The following MCTS1 variants were observed in gnomAD, a reference collection of about 807,000 sequenced individuals.
MCTS1 encodes the protein malignant T-cell-amplified sequence 1.
For synonymous variants in MCTS1, 26 were observed against 40.8 expected, an observed-to-expected ratio of 0.64 and a Z score of 1.38; for missense variants, 55 against 128.6, an observed-to-expected ratio of 0.43 and a Z score of 2.77.
rs1720510326 is a variant in MCTS1 at position 120,621,140 on chromosome X, AAATAT to A, written c.*8878_*8882del. On this transcript the variant is annotated 3_prime_UTR_variant, in exon 6 of 6. Coordinates refer to ENST00000371317, the MANE Select transcript of MCTS1 (RefSeq NM_014060.3). Reference sequence around the variant, plus strand: ...ATTTTGGATATGTTTGGGTTAAATAAAATATATTACTAAAAGTAATTTCACCTGTG... The same window carrying A: ...ATTTTGGATATGTTTGGGTTAAATAAATTACTAAAAGTAATTTCACCTGTG... The A allele has an allele frequency of 8.9e-6, 1 of 112,832 alleles. No homozygotes were observed. Among genetic ancestry groups the A allele is most frequent in the Non-Finnish European group, 1.9e-5 (1 of 53,406 alleles). The allele number at this position is 112,832 out of a possible 1,213,427, so 9.3% of individuals were successfully genotyped here. A position where few individuals can be genotyped will look rare whatever the true frequency, so the allele number is the denominator to read the frequency against.
chrX:120,615,375 A>G lies in MCTS1; in HGVS notation c.*3111A>G, dbSNP rs1000389153. Among the ~76,000 whole-genome samples the G allele has an allele frequency of 9.0e-6, 1 of 111,589 alleles. No individual in the cohort carries two copies. The highest frequency in any genetic ancestry group is 1.9e-5 in the Non-Finnish European group (1 of 53,124). ...ACTCAGACAAGGTCAGTTCAGCTCAATAGGTATTTATTGAGTATCTACTAG... is the reference window on the plus strand; with the variant it reads ...ACTCAGACAAGGTCAGTTCAGCTCAGTAGGTATTTATTGAGTATCTACTAG... On this transcript the variant is annotated 3_prime_UTR_variant, in exon 6 of 6. Transcript: ENST00000371317.
In MCTS1 at chrX:120,616,881, A is replaced by G. The variant is rs188734325; in HGVS notation, c.*4617A>G. Among the ~76,000 whole-genome samples, 4 of 112,344 alleles carry G rather than the reference A, an allele frequency of 3.6e-5. No homozygotes were observed. In the Admixed American group the frequency reaches 3.8e-4, roughly 11 times the overall value. Reference sequence around the variant, plus strand: ...ATTAATGTCCAATTCTAATTAATGGATTGTTTTAGAAATGTATTTGTGAAA... The same window carrying G: ...ATTAATGTCCAATTCTAATTAATGGGTTGTTTTAGAAATGTATTTGTGAAA... On this transcript the variant is annotated 3_prime_UTR_variant, in exon 6 of 6. Coordinates refer to ENST00000371317, the MANE Select transcript of MCTS1 (RefSeq NM_014060.3).
rs1926750061 is a variant in MCTS1, at chrX:120,613,263, G to T, written c.*999G>T. Reference sequence around the variant, plus strand: ...TTTTATAGTTGGCCAGGCTGGTCTTGAACTCCTGGCCTCAAGTGATCAGCC... The same window carrying T: ...TTTTATAGTTGGCCAGGCTGGTCTTTAACTCCTGGCCTCAAGTGATCAGCC... On this transcript the variant is annotated 3_prime_UTR_variant, in exon 6 of 6. Coordinates refer to ENST00000371317, the MANE Select transcript of MCTS1 (RefSeq NM_014060.3). Among the ~76,000 whole-genome samples, 1 of 110,969 alleles carries T rather than the reference G, an allele frequency of 9.0e-6. No individual in the cohort carries two copies. The highest frequency in any genetic ancestry group is 3.3e-5 in the African/African-American group (1 of 30,460).
At chrX:120,604,718 G>C in intron 1 of MCTS1, 1 of 1,042,962 alleles carries the variant, frequency 9.6e-7, no homozygotes, top group East Asian at 3.7e-5. Context: ...CTATTGCCTA[G>C]CTGCCAGATT....
rs1926877588 is a variant in MCTS1 at position 120,617,112 on chromosome X, A to G, written c.*4848A>G. ...ATATGGCAGACATCTTAATATCAATATATGCTAAATTGGTTTATCTTTAGG... is the reference window on the plus strand; with the variant it reads ...ATATGGCAGACATCTTAATATCAATGTATGCTAAATTGGTTTATCTTTAGG... On this transcript the variant is annotated 3_prime_UTR_variant, in exon 6 of 6. Coordinates refer to ENST00000371317, the MANE Select transcript of MCTS1 (RefSeq NM_014060.3). Among the ~76,000 whole-genome samples the G allele has an allele frequency of 8.9e-6, 1 of 112,537 alleles. No homozygotes were observed. The highest frequency in any genetic ancestry group is 1.9e-5 in the Non-Finnish European group (1 of 53,342).
chrX:120,617,294 C>T lies in MCTS1; in HGVS notation c.*5030C>T, dbSNP rs978340319. On this transcript the variant is annotated 3_prime_UTR_variant, in exon 6 of 6. Coordinates refer to ENST00000371317, the MANE Select transcript of MCTS1 (RefSeq NM_014060.3). ...GCAACCTCTGTCTTCCGGGTTCAAG[C>T]GATTCTCCTGCCTCAGCCTCCCGAG... 1.8e-5 allele frequency among the ~76,000 whole-genome samples: 2 copies of T among 111,265 alleles called. No individual in the cohort carries two copies. The highest frequency in any genetic ancestry group is 3.8e-5 in the Non-Finnish European group (2 of 53,054).
rs1351150627 is a variant in MCTS1 at position 120,615,762 on chromosome X, T to TA, written c.*3499dup. 9.0e-6 allele frequency among the ~76,000 whole-genome samples: 1 copy of TA among 111,489 alleles called. No homozygotes were observed. Among genetic ancestry groups the TA allele is most frequent in the Non-Finnish European group, 1.9e-5 (1 of 53,088 alleles). ...AGTTCTCTTCTAGCAGACTGTCTGT[T>TA]ATGGTGGTTTGGTAGTGGTCTGTTG... On this transcript the variant is annotated 3_prime_UTR_variant, in exon 6 of 6. Coordinates refer to ENST00000371317, the MANE Select transcript of MCTS1 (RefSeq NM_014060.3).
At chrX:120,606,228 C>T in intron 3 of MCTS1, 52 bp downstream of exon 3, 2 of 720,990 alleles carry the variant, frequency 2.8e-6, no homozygotes, top group Non-Finnish European at 4.0e-6. Flanking sequence ...TTGCAATATT[C>T]AAATGTAAAG....
chrX:120,608,341 G>A lies in MCTS1; in HGVS notation c.379G>A (p.Ala127Thr), dbSNP rs1926593464. The A allele has an allele frequency of 1.3e-5, 15 of 1,196,642 alleles. No homozygotes were observed. Among genetic ancestry groups the A allele is most frequent in the Non-Finnish European group, 1.5e-5 (13 of 887,543 alleles). Reference protein sequence around the residue: ...TSPGAKLYPAAVDTIVAIMAE... With the variant: ...TSPGAKLYPATVDTIVAIMAE... ...TCCTGGAGCTAAGCTTTACCCTGCT[G>A]CAGTAGATACCATTGTTGTATCCTT... is the stretch of plus-strand genomic sequence containing the variant. The change falls in exon 4 of 6, where the codon GCA (alanine) becomes ACA (threonine). Residue 127 changes from alanine (A) to threonine (T), a missense_variant. Physicochemically the swap from Ala to Thr is moderately conservative, Grantham distance 58. Transcript: ENST00000371317.
chrX:120,620,068 T>C lies in MCTS1; in HGVS notation c.*7804T>C, dbSNP rs1216652787. Among the ~76,000 whole-genome samples, 3 of 111,230 alleles carry C rather than the reference T, an allele frequency of 2.7e-5. No homozygotes were observed. Among genetic ancestry groups the C allele is most frequent in the African/African-American group, 9.8e-5 (3 of 30,571 alleles). On this transcript the variant is annotated 3_prime_UTR_variant, in exon 6 of 6. Coordinates refer to ENST00000371317, the MANE Select transcript of MCTS1 (RefSeq NM_014060.3). ...GGTTCACGCCTGTAATCCCAGTACT[T>C]TGGGAGGCCAAGGTGGGCGGATCAC...
Position 120,605,558 on chromosome X carries a change from T to A in MCTS1, c.163T>A (p.Cys55Ser), listed in dbSNP as rs773027930. 3.3e-6 allele frequency: 4 copies of A among 1,196,951 alleles called. No homozygotes were observed. The change falls in exon 2 of 6, where the codon TGC (cysteine) becomes AGC (serine). Residue 55 changes from cysteine (C) to serine (S), a missense_variant and splice_region_variant. Coordinates refer to ENST00000371317, the MANE Select transcript of MCTS1 (RefSeq NM_014060.3). Reference protein sequence around the residue: ...PKKDPVKIVRCHEHIEILTVN... With the variant: ...PKKDPVKIVRSHEHIEILTVN... ...GAAAGATCCTGTCAAAATAGTCCGA[T>A]GGTAAGTCTTTGTTTTTGTCTGTGT... is the stretch of plus-strand genomic sequence containing the variant.
In MCTS1 at chrX:120,614,638, T is replaced by TA. The variant is rs781450417; in HGVS notation, c.*2375dup. ...CAGATAGTTTAATTTTTTGCTGACT[T>TA]ACTGGCTTCAAATTCAGATGTCTCC... On this transcript the variant is annotated 3_prime_UTR_variant, in exon 6 of 6. Transcript: ENST00000371317. 1.8e-5 allele frequency among the ~76,000 whole-genome samples: 2 copies of TA among 112,241 alleles called. No homozygotes were observed. Among genetic ancestry groups the TA allele is most frequent in the East Asian group, 5.6e-4 (2 of 3,591 alleles).
Position 120,604,140 on chromosome X carries a change from G to T in MCTS1, c.-97G>T. On this transcript the variant is annotated 5_prime_UTR_variant, in exon 1 of 6. Coordinates refer to ENST00000371317, the MANE Select transcript of MCTS1 (RefSeq NM_014060.3). ...GACTACAGCTCCGACTGTCAGTGCCGGCCTTCCTCGTGTGAGGGGATCTGC... is the reference window on the plus strand; with the variant it reads ...GACTACAGCTCCGACTGTCAGTGCCTGCCTTCCTCGTGTGAGGGGATCTGC... 9.5e-7 allele frequency: 1 copy of T among 1,050,834 alleles called. No individual in the cohort carries two copies. Among genetic ancestry groups the T allele is most frequent in the African/African-American group, 1.8e-5 (1 of 54,420 alleles). 86.6% of individuals were successfully genotyped at this position (1,050,834 alleles called of 1,213,427 possible). A position where few individuals can be genotyped will look rare whatever the true frequency, so the allele number is the denominator to read the frequency against.
At chrX:120,608,042 A>G (rs1225248510) in intron 3 of MCTS1, among the ~76,000 whole-genome samples, 183 bp from the exon 4 acceptor site, 1 of 111,528 alleles carries the variant, frequency 9.0e-6, no homozygotes, top group African/African-American at 3.3e-5. Context: ...TGGGTGGCAG[A>G]GCAAGACCCT....
chrX:120,606,930 CAATT>C (rs1399370084), intron 3 of MCTS1, among the ~76,000 whole-genome samples: 1 of 111,150 alleles, frequency 9.0e-6, no homozygotes, highest in Admixed American at 9.6e-5. Context: ...GAATAAACAA[CAATT>C]AGATAATTAC....
At position 120,604,101 on chromosome X, in the gene MCTS1, G is replaced by C. The variant is rs891273152; in HGVS notation, c.-136G>C. On this transcript the variant is annotated 5_prime_UTR_variant, in exon 1 of 6. Transcript: ENST00000371317. ...GAGCCGTAAAGCGCGGCTGGCTCTC[G>C]TTTTCCGGATAACGACTACAGCTCC... 2 of 810,296 alleles carry C rather than the reference G, an allele frequency of 2.5e-6. No homozygotes were observed. The highest frequency in any genetic ancestry group is 5.6e-5 in the Admixed American group (2 of 35,552). The allele number at this position is 810,296 out of a possible 1,213,427, so 66.8% of individuals were successfully genotyped here. A position where few individuals can be genotyped will look rare whatever the true frequency, so the allele number is the denominator to read the frequency against.
intron 5 of MCTS1, 122 bp from the exon 6 acceptor site, chrX:120,612,061 A>G (rs188477369): frequency 7.6e-6 from 4 of 527,441 alleles, no homozygotes; most frequent in South Asian, 3.0e-5. Context: ...TGTGATGTCA[A>G]TAAGTTCTTT....
chrX:120,604,799 C>A (rs912599770), intron 1 of MCTS1: 58 of 1,133,667 alleles, frequency 5.1e-5, no homozygotes, highest in Non-Finnish European at 6.6e-5. Context: ...TCCTTGGGAA[C>A]CTACTAGTGG....
At chrX:120,609,201 G>C (rs2147373653) in intron 4 of MCTS1, among the ~76,000 whole-genome samples, 1 of 111,840 alleles carries the variant, frequency 8.9e-6, no homozygotes, top group East Asian at 2.8e-4. Context: ...TTTAGTTTTT[G>C]AGATGGAGTC....
Sources: gnomAD v4.1 joint callset for allele counts (sites outside exome capture counted in the v4.1 genomes callset) on GRCh38, gnomAD v4.1.1 for gene constraint, MANE v1.5 for transcripts, NCBI Gene and HGNC (gene_info 2026-07-23, HGNC 2026-07-21) for gene names.